Variants in EXOC4 observed in about 807,000 individuals in gnomAD.
EXOC4 encodes the protein SEC8-like 1.
A neutral mutation model predicts 107.2 loss-of-function variants in EXOC4; 71 were observed. The observed-to-expected ratio is 0.66, with a 90% CI of 0.55 to 0.81. EXOC4 has a LOEUF of 0.81. EXOC4 is among the 30% of genes least tolerant of loss of function. The pLI is 0.00. For synonymous variants in EXOC4, 456 were observed against 441.2 expected, an observed-to-expected ratio of 1.03 and a Z score of -0.42; for missense variants, 1,108 against 1,189.6, an observed-to-expected ratio of 0.93 and a Z score of 1.01.
intron 14 of EXOC4, among the ~76,000 whole-genome samples, chr7:133,962,305 G>T (rs1215493618): frequency 6.6e-6 from 1 of 152,136 alleles, no homozygotes; most frequent in Non-Finnish European, 1.5e-5. Context: ...TCTCCTTCTT[G>T]TTAGTGTAGT....
At chr7:133,428,885 G>C (rs1057240332) in intron 7 of EXOC4, among the ~76,000 whole-genome samples, 5 of 152,088 alleles carry the variant, frequency 3.3e-5, no homozygotes, top group African/African-American at 1.2e-4. Context: ...TTTTTCTTTT[G>C]TGTTTTGTTT....
intron 7 of EXOC4, among the ~76,000 whole-genome samples, chr7:133,407,307 C>T (rs35172817): frequency 6.6e-6 from 1 of 152,182 alleles, no homozygotes; most frequent in Non-Finnish European, 1.5e-5. Context: ...TCTTACTTTG[C>T]TTCTTGGCTA....
intron 9 of EXOC4, among the ~76,000 whole-genome samples, chr7:133,590,859 A>G (rs1213961255): frequency 1.3e-5 from 2 of 152,182 alleles, no homozygotes; most frequent in Non-Finnish European, 2.9e-5. Flanking sequence ...TGTCACACTG[A>G]GCTGTTAAAC....
At chr7:133,802,178 T>C (rs138229736) in intron 10 of EXOC4, among the ~76,000 whole-genome samples, 72 of 152,340 alleles carry the variant, frequency 4.7e-4, no homozygotes, top group Non-Finnish European at 7.5e-4. Context: ...GGCTTCAAGA[T>C]ACAGTCTGAA....
intron 10 of EXOC4, among the ~76,000 whole-genome samples, chr7:133,751,886 T>C (rs979846784): frequency 1.3e-5 from 2 of 151,974 alleles, no homozygotes; most frequent in African/African-American, 4.8e-5. Flanking sequence ...GACCCATACT[T>C]ATAATTTCAG....
At chr7:133,591,636 C>A (rs1304112625) in intron 9 of EXOC4, among the ~76,000 whole-genome samples, 3 of 151,630 alleles carry the variant, frequency 2.0e-5, no homozygotes, top group Non-Finnish European at 4.4e-5. Flanking sequence ...ATTTTGCACT[C>A]TGTATATTTT....
At chr7:134,013,055 T>C (rs1369913339) in intron 17 of EXOC4, among the ~76,000 whole-genome samples, 1 of 152,226 alleles carries the variant, frequency 6.6e-6, no homozygotes, top group African/African-American at 2.4e-5. Flanking sequence ...AGGAATACGC[T>C]TCAAATGTAT....
intron 1 of EXOC4, among the ~76,000 whole-genome samples, chr7:133,267,719 A>G (rs183619362): frequency 1.6e-4 from 25 of 152,310 alleles, no homozygotes; most frequent in South Asian, 6.2e-4. Context: ...TGTTGAATGA[A>G]TAAGTGAATT....
chr7:133,855,140 TATAA>T (rs1415804692), intron 11 of EXOC4, among the ~76,000 whole-genome samples: 13 of 124,650 alleles, frequency 1.0e-4, no homozygotes, highest in African/African-American at 4.4e-4. Flanking sequence ...TATATATATA[TATAA>T]ATATATATAT....
At chr7:133,604,938 T>C (rs983902860) in intron 9 of EXOC4, among the ~76,000 whole-genome samples, 3 of 151,794 alleles carry the variant, frequency 2.0e-5, no homozygotes, top group African/African-American at 7.3e-5. Context: ...CTGTCCAGGC[T>C]GGTCAAGAAC....
At chr7:133,260,299 A>G (rs1426754710) in intron 1 of EXOC4, among the ~76,000 whole-genome samples, 2 of 150,572 alleles carry the variant, frequency 1.3e-5, no homozygotes, top group African/African-American at 4.9e-5. Context: ...TTTGAGACAG[A>G]GTCTTGCTCT....
chr7:133,610,486 A>G lies in EXOC4; in HGVS notation c.1418-19559A>G, dbSNP rs564685078. Among the ~76,000 whole-genome samples the G allele has an allele frequency of 8.5e-5, 13 of 152,292 alleles. No individual in the cohort carries two copies. In the East Asian group the frequency reaches 1.7e-3, roughly 20 times the overall value. ...TGAAAGTTCCAACCTGTTTATTTTAATACTGTCTTCTAGGACCACAGAATA... is the reference window on the plus strand; with the variant it reads ...TGAAAGTTCCAACCTGTTTATTTTAGTACTGTCTTCTAGGACCACAGAATA... On this transcript the variant is annotated intron_variant, in intron 9 of 17. Transcript: ENST00000253861.
chr7:133,292,675 T>G (rs1209750902), intron 3 of EXOC4, among the ~76,000 whole-genome samples: 1 of 152,176 alleles, frequency 6.6e-6, no homozygotes, highest in Non-Finnish European at 1.5e-5. Context: ...GATAGCTAGG[T>G]GCTTTTCTTT....
At chr7:133,297,537 A>G (rs961691910) in intron 3 of EXOC4, among the ~76,000 whole-genome samples, 5 of 152,224 alleles carry the variant, frequency 3.3e-5, no homozygotes, top group Non-Finnish European at 7.3e-5. Context: ...TTGAGCTTAG[A>G]TAAATAAATT....
intron 6 of EXOC4, among the ~76,000 whole-genome samples, chr7:133,364,130 A>G (rs1402520609): frequency 2.0e-5 from 3 of 151,842 alleles, no homozygotes; most frequent in Non-Finnish European, 4.4e-5. Context: ...AATGCCTACA[A>G]GTTTATTTTT....
At chr7:133,971,089 A>T (rs987809928) in intron 14 of EXOC4, among the ~76,000 whole-genome samples, 23 of 152,030 alleles carry the variant, frequency 1.5e-4, no homozygotes, top group Non-Finnish European at 3.4e-4. Context: ...GAGAAATGAA[A>T]TACCATTATG....
downstream of EXOC4, among the ~76,000 whole-genome samples, chr7:134,071,282 C>T (rs979909001): frequency 1.3e-5 from 2 of 152,162 alleles, no homozygotes; most frequent in East Asian, 1.9e-4. Context: ...ATTCTGGAAC[C>T]GTAGCCAAAT....
chr7:133,841,328 T>G (rs1222387940), intron 11 of EXOC4, among the ~76,000 whole-genome samples: 2 of 152,218 alleles, frequency 1.3e-5, no homozygotes, highest in African/African-American at 4.8e-5. Context: ...TTCATAAACA[T>G]TCAGTACACT....
intron 9 of EXOC4, among the ~76,000 whole-genome samples, chr7:133,626,927 A>G (rs762070770): frequency 1.3e-5 from 2 of 152,196 alleles, no homozygotes; most frequent in Admixed American, 6.5e-5. Context: ...AGTTGCTTAC[A>G]TTGATTCGGG....
Sources: gnomAD v4.1 joint callset for allele counts (sites outside exome capture counted in the v4.1 genomes callset) on GRCh38, gnomAD v4.1.1 for gene constraint, MANE v1.5 for transcripts, NCBI Gene and HGNC (gene_info 2026-07-23, HGNC 2026-07-21) for gene names.